Variants in MRPL11 observed in about 807,000 individuals in gnomAD.
The protein encoded by MRPL11 is mitochondrial ribosomal protein L11, also known as large ribosomal subunit protein uL11m.
In MRPL11, 21 loss-of-function variants were observed where a neutral mutation model predicts 19.1. The observed-to-expected ratio is 1.10, with a 90% confidence interval of 0.78 to 1.58. The LOEUF is 1.58. Ranked by LOEUF, MRPL11 falls within the 40% of genes most tolerant of loss-of-function variation. The pLI is 0.00. For missense variants in MRPL11, 242 were observed against 243.9 expected (o/e 0.99, Z 0.05); for synonymous variants, 108 against 99.7 (o/e 1.08, Z -0.49).
intron 1 of MRPL11, 67 bp downstream of exon 1, chr11:66,438,548 GTTCCAGGGCCAGCGCCC>G: frequency 6.8e-7 from 1 of 1,470,756 alleles, no homozygotes; most frequent in South Asian, 1.4e-5. Context: ...GGCCCGGGTG[GTTCCAGGGCCAGCGCCC>G]TCCATCCGCG....
chr11:66,437,106 C>G lies in MRPL11; in HGVS notation c.471G>C (p.Lys157Asn). 6.2e-7 allele frequency: 1 copy of G among 1,614,032 alleles called. No homozygotes were observed. The highest frequency in any genetic ancestry group is 8.5e-7 in the Non-Finnish European group (1 of 1,179,908). The change falls in exon 4 of 5, where the codon AAG (lysine) becomes AAC (asparagine). Residue 157 changes from lysine (K) to asparagine (N), a missense_variant and splice_region_variant. Lys to Asn is a moderately conservative substitution (Grantham distance 94). Coordinates refer to ENST00000310999, the MANE Select transcript of MRPL11 (RefSeq NM_016050.5). ...ACTGCACATGCCAGGATACTTACTC[C>G]TTCACCACGCGAATGCCCAGAGAAC... is the stretch of plus-strand genomic sequence containing the variant. ...SARSLGIRVVKDLSSEELAAF... is the reference protein window; with the variant it reads ...SARSLGIRVVNDLSSEELAAF...
At chr11:66,437,495 G>GA in intron 2 of MRPL11, 52 bp from the exon 3 acceptor site, 1 of 1,556,870 alleles carries the variant, frequency 6.4e-7, no homozygotes, top group Admixed American at 1.7e-5. Flanking sequence ...CCCCATCCCA[G>GA]GGAACTTCTA....
Position 66,436,113 on chromosome 11 carries a change from C to G in MRPL11, c.474-1G>C, listed in dbSNP as rs1181780725. The G allele has an allele frequency of 6.2e-7, 1 of 1,612,812 alleles. No individual in the cohort carries two copies. Among genetic ancestry groups the G allele is most frequent in the African/African-American group, 1.3e-5 (1 of 74,890 alleles). ...AGCTGCAAGCTCTTCTGAACTGAGG[C>G]TGCAAGTGAAAAAAGACAAATGGTT... On this transcript the variant is annotated splice_acceptor_variant, in intron 4 of 4. Transcript: ENST00000310999. LOFTEE classifies it high-confidence loss of function.
rs747454469 is a variant in MRPL11, at chr11:66,435,092, T to C, written c.*915A>G. 3.9e-5 allele frequency: 6 copies of C among 152,198 alleles called. No individual in the cohort carries two copies. Among genetic ancestry groups the C allele is most frequent in the Non-Finnish European group, 7.3e-5 (5 of 68,048 alleles). 9.4% of individuals were successfully genotyped at this position (152,198 alleles called of 1,614,324 possible). ...GTCTCATCTGGGTGGTGGGATAACA[T>C]GAGGTTTTTATTTTCTTTTAGGTGT... On this transcript the variant is annotated 3_prime_UTR_variant, in exon 5 of 5. Coordinates refer to ENST00000310999, the MANE Select transcript of MRPL11 (RefSeq NM_016050.5).
In MRPL11 at chr11:66,438,690, G is replaced by A; in HGVS notation, c.65C>T (p.Ala22Val). Residue 22 changes from alanine to valine, a missense_variant, in exon 1 of 5, where the codon GCG becomes GTG. By Grantham distance (64) the Ala-to-Val change is moderately conservative. Coordinates refer to ENST00000310999, the MANE Select transcript of MRPL11 (RefSeq NM_016050.5). ...CATGGCCAGGCCTGCCCGCACGATC[G>A]CCCGGATCACACCGCCGACCTCGGG... ...RKPEVGGVIR[A>V]IVRAGLAMPG... 1.1e-5 allele frequency: 17 copies of A among 1,580,298 alleles called. No individual in the cohort carries two copies. The highest frequency in any genetic ancestry group is 1.5e-5 in the Non-Finnish European group (17 of 1,161,794).
At position 66,438,828 on chromosome 11, in the gene MRPL11, C is replaced by T; in HGVS notation, c.-74G>A. 1 of 1,377,510 alleles carries T rather than the reference C, an allele frequency of 7.3e-7. No homozygotes were observed. The highest frequency in any genetic ancestry group is 9.5e-7 in the Non-Finnish European group (1 of 1,056,458). 85.3% of individuals were successfully genotyped at this position (1,377,510 alleles called of 1,614,324 possible). ...AAGCTCTGGGCGCCACCATCTTGGG[C>T]CAGAGGTCAAGGGTCCTCACGTTAG... On this transcript the variant is annotated 5_prime_UTR_variant, in exon 1 of 5. Coordinates refer to ENST00000310999, the MANE Select transcript of MRPL11 (RefSeq NM_016050.5).
chr11:66,435,093 G>A lies in MRPL11; in HGVS notation c.*914C>T, dbSNP rs1856939145. 6.6e-6 allele frequency: 1 copy of A among 152,176 alleles called. No individual in the cohort carries two copies. Among genetic ancestry groups the A allele is most frequent in the African/African-American group, 2.4e-5 (1 of 41,440 alleles). 9.4% of individuals were successfully genotyped at this position (152,176 alleles called of 1,614,324 possible). A position where few individuals can be genotyped will look rare whatever the true frequency, so the allele number is the denominator to read the frequency against. On this transcript the variant is annotated 3_prime_UTR_variant, in exon 5 of 5. Transcript: ENST00000310999. ...TCTCATCTGGGTGGTGGGATAACAT[G>A]AGGTTTTTATTTTCTTTTAGGTGTT...
rs201135328 is a variant in MRPL11, at chr11:66,437,121, G to C, written c.456C>G (p.Gly152=). 4 of 1,614,032 alleles carry C rather than the reference G, an allele frequency of 2.5e-6. No individual in the cohort carries two copies. The highest frequency in any genetic ancestry group is 1.7e-5 in the Admixed American group (1 of 60,006). Reference sequence around the variant, plus strand: ...ATACTTACTCCTTCACCACGCGAATGCCCAGAGAACGGGCAGACCCGATGA... The same window carrying C: ...ATACTTACTCCTTCACCACGCGAATCCCCAGAGAACGGGCAGACCCGATGA... ...RSIIGSARSL[G]IRVVKDLSSE... is the part of the protein sequence containing the mutation. The change falls in exon 4 of 5, where the codon GGC becomes GGG. Residue 152 remains glycine, a synonymous_variant. Transcript: ENST00000310999.
In MRPL11 at chr11:66,437,144, T is replaced by A; in HGVS notation, c.433A>T (p.Ile145Phe). The change falls in exon 4 of 5, where the codon ATC (isoleucine) becomes TTC (phenylalanine). Residue 145 changes from isoleucine to phenylalanine, a missense_variant. Transcript: ENST00000310999. ...ATGCCCAGAGAACGGGCAGACCCGA[T>A]GATGGAGCGGACAACAGACGACAGG... ...VPLSSVVRSI[I>F]GSARSLGIRV... is the part of the protein sequence containing the mutation. 2 of 1,614,220 alleles carry A rather than the reference T, an allele frequency of 1.2e-6. No individual in the cohort carries two copies. The highest frequency in any genetic ancestry group is 8.5e-7 in the Non-Finnish European group (1 of 1,180,042).
At chr11:66,437,672 A>G (rs1857013165) in intron 2 of MRPL11, among the ~76,000 whole-genome samples, 1 of 152,304 alleles carries the variant, frequency 6.6e-6, no homozygotes. Flanking sequence ...CAGGAGTTCA[A>G]GACCAGCCTG....
rs377737227 is a variant in MRPL11, at chr11:66,438,734, G to T, written c.21C>A (p.Ala7=). The T allele has an allele frequency of 3.8e-6, 6 of 1,572,702 alleles. No individual in the cohort carries two copies. The highest frequency in any genetic ancestry group is 2.3e-5 in the East Asian group (1 of 43,196). ...CCTCGGGCTTCCTGAGGCCCCGGGC[G>T]GCCCGGCCGAGCTTTGACATGATGC... MSKLGR[A]ARGLRKPEVG... is the part of the protein sequence containing the mutation. Residue 7 remains alanine (A), a synonymous_variant, in exon 1 of 5, where the codon GCC becomes GCA. Coordinates refer to ENST00000310999, the MANE Select transcript of MRPL11 (RefSeq NM_016050.5).
Position 66,438,695 on chromosome 11 carries a change from G to T in MRPL11, c.60C>A (p.Ile20=), listed in dbSNP as rs754601760. 3.8e-6 allele frequency: 6 copies of T among 1,586,180 alleles called. 1 individual carries two copies. In the South Asian group the frequency reaches 5.6e-5, roughly 15 times the overall value. ...GLRKPEVGGV[I]RAIVRAGLAM... is the part of the protein sequence containing the mutation. Reference sequence around the variant, plus strand: ...CCAGGCCTGCCCGCACGATCGCCCGGATCACACCGCCGACCTCGGGCTTCC... The same window carrying T: ...CCAGGCCTGCCCGCACGATCGCCCGTATCACACCGCCGACCTCGGGCTTCC... Residue 20 remains isoleucine, a synonymous_variant, in exon 1 of 5, where the codon ATC becomes ATA. Transcript: ENST00000310999.
Position 66,437,343 on chromosome 11 carries a change from CCCTCA to C in MRPL11, c.313+2_313+6del. 6.2e-7 allele frequency: 1 copy of C among 1,614,202 alleles called. No homozygotes were observed. ...CCAGAATCTCAGATGCTTACCCTGG[CCCTCA>C]CCTGTTTGCCGGGCCCCCTTTTCAA... On this transcript the variant is annotated splice_donor_variant and splice_donor_5th_base_variant and intron_variant, in intron 3 of 4. Coordinates refer to ENST00000310999, the MANE Select transcript of MRPL11 (RefSeq NM_016050.5). LOFTEE classifies it high-confidence loss of function.
chr11:66,437,729 C>G (rs1565247773), intron 2 of MRPL11, among the ~76,000 whole-genome samples: 1 of 152,092 alleles, frequency 6.6e-6, no homozygotes, highest in Non-Finnish European at 1.5e-5. Context: ...AAAAAATTAG[C>G]CGGGCGTGGT....
At position 66,438,636 on chromosome 11, in the gene MRPL11, C is replaced by G; in HGVS notation, c.119G>C (p.Gly40Ala). ...GGGTTCCCGCCACGGCCGCACCTGA[C>G]CCAGCACTGGGCCTAGTGGGGGCCC... The part of the protein sequence containing the change: ...MPGPPLGPVL[G>A]QRGVSINQFC... The change falls in exon 1 of 5, where the codon GGT becomes GCT. Residue 40 changes from glycine to alanine, a missense_variant. By Grantham distance (60) the Gly-to-Ala change is moderately conservative. Coordinates refer to ENST00000310999, the MANE Select transcript of MRPL11 (RefSeq NM_016050.5). 6.5e-7 allele frequency: 1 copy of G among 1,531,582 alleles called. No homozygotes were observed. The highest frequency in any genetic ancestry group is 8.8e-7 in the Non-Finnish European group (1 of 1,138,586). 94.9% of individuals were successfully genotyped at this position (1,531,582 alleles called of 1,614,324 possible).
At position 66,437,142 on chromosome 11, in the gene MRPL11, G is replaced by A. The variant is rs377408712; in HGVS notation, c.435C>T (p.Ile145=). The change falls in exon 4 of 5, where the codon ATC becomes ATT. Residue 145 remains isoleucine, a synonymous_variant. Transcript: ENST00000310999. ...GAATGCCCAGAGAACGGGCAGACCCGATGATGGAGCGGACAACAGACGACA... is the reference window on the plus strand; with the variant it reads ...GAATGCCCAGAGAACGGGCAGACCCAATGATGGAGCGGACAACAGACGACA... ...VPLSSVVRSI[I]GSARSLGIRV... 4.8e-5 allele frequency: 77 copies of A among 1,614,092 alleles called. No homozygotes were observed. The highest frequency in any genetic ancestry group is 3.7e-5 in the Non-Finnish European group (44 of 1,180,048).
At chr11:66,436,138 T>TCGCCAACC (rs1856963950) in intron 4 of MRPL11, 26 bp from the exon 5 acceptor site, 1 of 1,597,186 alleles carries the variant, frequency 6.3e-7, no homozygotes, top group Non-Finnish European at 8.6e-7. Flanking sequence ...GACAAATGGT[T>TCGCCAACC]GGCGCATGAT....
chr11:66,437,822 G>A (rs1013069538), intron 2 of MRPL11, among the ~76,000 whole-genome samples: 3 of 152,186 alleles, frequency 2.0e-5, no homozygotes, highest in East Asian at 3.9e-4. Context: ...TGCAGTGAGC[G>A]GAGATCGTGC....
In MRPL11 at chr11:66,437,251, G is replaced by A. The variant is rs138330754; in HGVS notation, c.326C>T (p.Ala109Val). Residue 109 changes from alanine (A) to valine (V), a missense_variant, in exon 4 of 5, where the codon GCA becomes GTA. Ala to Val is a moderately conservative substitution (Grantham distance 64). Coordinates refer to ENST00000310999, the MANE Select transcript of MRPL11 (RefSeq NM_016050.5). ...KGARQTGKEV[A>V]GLVTLKHVYE... Reference sequence around the variant, plus strand: ...CACATGCTTCAAGGTCACCAGGCCTGCCACCTCTTTCCCTGGGAGGAAGGA... The same window carrying A: ...CACATGCTTCAAGGTCACCAGGCCTACCACCTCTTTCCCTGGGAGGAAGGA... The A allele has an allele frequency of 1.9e-6, 3 of 1,613,968 alleles. No individual in the cohort carries two copies. In the African/African-American group the frequency reaches 4.0e-5, roughly 22 times the overall value.
Sources: gnomAD v4.1 joint callset for allele counts (sites outside exome capture counted in the v4.1 genomes callset) on GRCh38, gnomAD v4.1.1 for gene constraint, MANE v1.5 for transcripts, NCBI Gene and HGNC (gene_info 2026-07-23, HGNC 2026-07-21) for gene names.